The following PGCKA1 variants were observed in gnomAD, a reference collection of about 807,000 sequenced individuals.
PGCKA1 encodes PDCD10 and GCKIII kinases-associated protein 1.
the PGCKA1 span, among the ~76,000 whole-genome samples, chr4:37,506,204 C>T: frequency 5.9e-5 from 9 of 151,866 alleles, no homozygotes; most frequent in East Asian, 1.7e-3. Context: ...AAAGGTTTGT[C>T]GATTTTGTTT....
At chr4:37,564,519 T>TTTA in the PGCKA1 span, among the ~76,000 whole-genome samples, 69,302 of 150,972 alleles carry the variant, frequency 0.46, 16,752 homozygotes, top group South Asian at 0.54. Flanking sequence ...TTATTTATTT[T>TTTA]TTTTGAGATG....
the PGCKA1 span, among the ~76,000 whole-genome samples, chr4:37,527,792 T>C: frequency 1.3e-5 from 2 of 150,842 alleles, no homozygotes; most frequent in African/African-American, 4.9e-5. Flanking sequence ...ATCGCACCAC[T>C]GCGCTCCAGC....
At chr4:37,462,400 AT>A in the PGCKA1 span, among the ~76,000 whole-genome samples, 1 of 152,130 alleles carries the variant, frequency 6.6e-6, no homozygotes, top group African/African-American at 2.4e-5. Context: ...CAGGTTTTCT[AT>A]TTGGTCTTTG....
chr4:37,580,491 C>A, the PGCKA1 span, among the ~76,000 whole-genome samples: 1 of 152,080 alleles, frequency 6.6e-6, no homozygotes, highest in South Asian at 2.1e-4. Context: ...ATTAGAGGCA[C>A]CCCAAGCCCA....
the PGCKA1 span, among the ~76,000 whole-genome samples, chr4:37,509,969 G>T: frequency 7.4e-6 from 1 of 134,514 alleles, no homozygotes; most frequent in African/African-American, 2.5e-5. Context: ...GAGGGAGCGG[G>T]AGACCGTGGG....
At chr4:37,500,405 A>T in the PGCKA1 span, among the ~76,000 whole-genome samples, 2 of 152,156 alleles carry the variant, frequency 1.3e-5, no homozygotes, top group African/African-American at 4.8e-5. Flanking sequence ...CAGGTTATTC[A>T]GTTTCCATGT....
the PGCKA1 span, among the ~76,000 whole-genome samples, chr4:37,502,220 G>A: frequency 3.3e-5 from 5 of 152,180 alleles, no homozygotes; most frequent in African/African-American, 1.2e-4. Context: ...CAGGGACGGC[G>A]GCAGTGCAAC....
the PGCKA1 span, among the ~76,000 whole-genome samples, chr4:37,585,149 G>A: frequency 5.8e-5 from 6 of 103,512 alleles, no homozygotes; most frequent in South Asian, 1.8e-3. Flanking sequence ...GGAGGGGGAG[G>A]GTCAGGAGGG....
chr4:37,487,875 A>G, the PGCKA1 span, among the ~76,000 whole-genome samples: 2 of 152,096 alleles, frequency 1.3e-5, no homozygotes, highest in East Asian at 1.9e-4. Flanking sequence ...GCTCAGTAGT[A>G]TAATATTTTA....
At chr4:37,544,469 A>G in the PGCKA1 span, among the ~76,000 whole-genome samples, 57 of 150,850 alleles carry the variant, frequency 3.8e-4, 1 homozygote, top group East Asian at 1.8e-3. Flanking sequence ...TGCAACTCCT[A>G]TTATTTGGAT....
chr4:37,488,745 C>T, the PGCKA1 span, among the ~76,000 whole-genome samples: 1 of 151,072 alleles, frequency 6.6e-6, no homozygotes, highest in Admixed American at 6.6e-5. Flanking sequence ...GCTGATAGAC[C>T]TTCTTCAAGT....
chr4:37,515,260 C>T, the PGCKA1 span, among the ~76,000 whole-genome samples: 4 of 150,666 alleles, frequency 2.7e-5, no homozygotes, highest in Non-Finnish European at 5.9e-5. Context: ...ACCATACTGG[C>T]ACCCTGATCT....
At chr4:37,577,757 G>A in the PGCKA1 span, among the ~76,000 whole-genome samples, 1 of 152,046 alleles carries the variant, frequency 6.6e-6, no homozygotes, top group African/African-American at 2.4e-5. Flanking sequence ...CCATGATCAT[G>A]TGTTTCAAGA....
At chr4:37,508,666 T>C in the PGCKA1 span, among the ~76,000 whole-genome samples, 8 of 138,012 alleles carry the variant, frequency 5.8e-5, no homozygotes, top group South Asian at 4.5e-4. Context: ...ACCCTCTTCT[T>C]TTTTTTTTTG....
the PGCKA1 span, among the ~76,000 whole-genome samples, chr4:37,483,033 T>C: frequency 6.6e-6 from 1 of 152,122 alleles, no homozygotes; most frequent in Admixed American, 6.5e-5. Flanking sequence ...GTTCCCATAA[T>C]CCCCATGTGT....
the PGCKA1 span, among the ~76,000 whole-genome samples, chr4:37,505,135 G>A: frequency 4.8e-4 from 73 of 152,280 alleles, no homozygotes; most frequent in African/African-American, 1.7e-3. Flanking sequence ...ATTAAGGGAT[G>A]TTGAATTTTA....
chr4:37,515,393 G>C, the PGCKA1 span, among the ~76,000 whole-genome samples: 1 of 152,056 alleles, frequency 6.6e-6, no homozygotes, highest in Admixed American at 6.6e-5. Flanking sequence ...TAGTCACAAA[G>C]GTCCACCCAA....
the PGCKA1 span, among the ~76,000 whole-genome samples, chr4:37,572,800 C>G: frequency 6.6e-6 from 1 of 152,068 alleles, no homozygotes; most frequent in Non-Finnish European, 1.5e-5. Flanking sequence ...AAAATTTTTA[C>G]TTCGTTTTCA....
chr4:37,488,916 G>GT, the PGCKA1 span, among the ~76,000 whole-genome samples: 3 of 152,138 alleles, frequency 2.0e-5, no homozygotes, highest in Non-Finnish European at 1.5e-5. Flanking sequence ...TTATAAGTGG[G>GT]TTTTTTTCAA....
Sources: gnomAD v4.1 joint callset for allele counts (sites outside exome capture counted in the v4.1 genomes callset) on GRCh38, gnomAD v4.1.1 for gene constraint, MANE v1.5 for transcripts, NCBI Gene and HGNC (gene_info 2026-07-23, HGNC 2026-07-21) for gene names.